The following EFL1 variants were observed in gnomAD, a reference collection of about 807,000 sequenced individuals.
The protein encoded by EFL1 is elongation factor-like GTPase 1.
Under a neutral mutation model 126.7 loss-of-function variants are expected in EFL1, and 76 were observed. The observed-to-expected ratio is 0.60, with a 90% CI of 0.50 to 0.73. EFL1 has a LOEUF of 0.73. EFL1 is among the 30% of genes least tolerant of loss of function. The pLI is 0.00. For synonymous variants in EFL1, 410 were observed against 448.4 expected (o/e 0.91, Z 1.08); for missense variants, 1,128 against 1,343.2 (o/e 0.84, Z 2.50).
chr15:82,177,402 C>T (rs1046995289), intron 15 of EFL1, among the ~76,000 whole-genome samples: 14 of 152,122 alleles, frequency 9.2e-5, no homozygotes, highest in Non-Finnish European at 1.5e-4. Context: ...TCTTTTTTCT[C>T]CACATCCTCT....
intron 4 of EFL1, among the ~76,000 whole-genome samples, chr15:82,249,831 G>C (rs1272616566): frequency 6.6e-6 from 1 of 152,070 alleles, no homozygotes; most frequent in Non-Finnish European, 1.5e-5. Context: ...GATAGTGTAT[G>C]ACCTTGATGG....
intron 4 of EFL1, among the ~76,000 whole-genome samples, chr15:82,245,388 C>T (rs1432097884): frequency 1.3e-5 from 2 of 152,230 alleles, no homozygotes; most frequent in African/African-American, 2.4e-5. Flanking sequence ...GATCCTTCTG[C>T]CTCAGTCTCC....
intron 17 of EFL1, among the ~76,000 whole-genome samples, chr15:82,156,611 G>C (rs2073970363): frequency 6.9e-6 from 1 of 145,510 alleles, no homozygotes; most frequent in Non-Finnish European, 1.5e-5. Flanking sequence ...TCTATTATTA[G>C]TACCAGGTGT....
chr15:82,182,316 T>G (rs572653542), intron 15 of EFL1, among the ~76,000 whole-genome samples: 84 of 152,266 alleles, frequency 5.5e-4, no homozygotes, highest in African/African-American at 2.0e-3. Flanking sequence ...AGGCAGCTAT[T>G]TGTGTGGGAA....
chr15:82,195,732 C>G (rs542263882), intron 15 of EFL1, among the ~76,000 whole-genome samples: 1 of 152,272 alleles, frequency 6.6e-6, no homozygotes, highest in East Asian at 1.9e-4. Flanking sequence ...GAAGCAGCAC[C>G]TGGGAGGGGA....
intron 17 of EFL1, among the ~76,000 whole-genome samples, chr15:82,153,231 AAT>A (rs1224688227): frequency 6.6e-6 from 1 of 152,166 alleles, no homozygotes; most frequent in African/African-American, 2.4e-5. Flanking sequence ...TTTCCCACAT[AAT>A]ATCAAATTTG....
intron 11 of EFL1, among the ~76,000 whole-genome samples, chr15:82,226,357 C>T (rs191579512): frequency 5.8e-4 from 88 of 152,106 alleles, no homozygotes; most frequent in African/African-American, 2.1e-3. Context: ...TTAGTAGAGA[C>T]GGAGTTTCAC....
chr15:82,134,554 A>T (rs1347663278), intron 19 of EFL1, among the ~76,000 whole-genome samples: 1 of 152,216 alleles, frequency 6.6e-6, no homozygotes, highest in African/African-American at 2.4e-5. Context: ...TGGGTGCTCC[A>T]TTTCAATTTT....
intron 4 of EFL1, among the ~76,000 whole-genome samples, chr15:82,252,326 G>C (rs531806545): frequency 5.7e-4 from 87 of 152,310 alleles, no homozygotes; most frequent in Non-Finnish European, 6.9e-4. Context: ...AGCTGGTACT[G>C]ATCACGGCAG....
intron 15 of EFL1, among the ~76,000 whole-genome samples, chr15:82,195,395 A>G (rs1409776786): frequency 6.6e-6 from 1 of 152,214 alleles, no homozygotes; most frequent in Non-Finnish European, 1.5e-5. Context: ...GCAGATTAAT[A>G]TATCTACTAA....
chr15:82,156,461 T>C (rs891005210), intron 17 of EFL1, among the ~76,000 whole-genome samples: 6 of 152,144 alleles, frequency 3.9e-5, no homozygotes, highest in Non-Finnish European at 8.8e-5. Flanking sequence ...ATTTTTGTAT[T>C]TTTAGTAGAG....
intron 15 of EFL1, 87 bp from the exon 16 acceptor site, chr15:82,164,071 T>C (rs2074051927): frequency 1.3e-6 from 2 of 1,511,424 alleles, no homozygotes; most frequent in African/African-American, 1.4e-5. Context: ...ACCCAGTATA[T>C]GTATCACAGA....
At chr15:82,163,767 C>A in intron 16 of EFL1, 86 bp downstream of exon 16, 2 of 1,470,896 alleles carry the variant, frequency 1.4e-6, no homozygotes, top group South Asian at 1.4e-5. Flanking sequence ...ACTGCTGAAA[C>A]AAGTCATGAG....
intron 7 of EFL1, among the ~76,000 whole-genome samples, chr15:82,236,061 T>C (rs1454088467): frequency 6.6e-6 from 1 of 152,048 alleles, no homozygotes; most frequent in African/African-American, 2.4e-5. Context: ...ATTAAAAATA[T>C]CATTTATAAT....
rs753465797 is a variant in EFL1, at chr15:82,229,027, G to A, written c.932+7C>T. 5 of 1,605,956 alleles carry A rather than the reference G, an allele frequency of 3.1e-6. No homozygotes were observed. In the African/African-American group the frequency reaches 6.7e-5, roughly 22 times the overall value. On this transcript the variant is annotated splice_region_variant and intron_variant, in intron 9 of 19. Transcript: ENST00000268206. ...AGATGCCTAAAGGTAAACAATAAGA[G>A]TCTTACTTTTTCAAAACAGCATCAT...
intron 15 of EFL1, among the ~76,000 whole-genome samples, chr15:82,213,228 T>A (rs569291213): frequency 6.6e-6 from 1 of 152,234 alleles, no homozygotes; most frequent in South Asian, 2.1e-4. Flanking sequence ...ATAAGTAAAT[T>A]TGGTAAACAA....
At chr15:82,157,078 T>C (rs949226357) in intron 17 of EFL1, among the ~76,000 whole-genome samples, 4 of 152,200 alleles carry the variant, frequency 2.6e-5, no homozygotes, top group Non-Finnish European at 4.4e-5. Flanking sequence ...AACCAAATAA[T>C]CAGAACTGTG....
Position 82,130,456 on chromosome 15 carries a change from C to G in EFL1, c.3280G>C (p.Val1094Leu). ...ENQARKYMNA[V>L]RKRKGLYVEE... ...ACATAAAGCCCCTTCCGCTTTCGTA[C>G]TGCGTTCATGTACTTCCGGGCTTGG... The change falls in exon 20 of 20, where the codon GTA becomes CTA. Residue 1094 changes from valine (V) to leucine (L), a missense_variant. Around this residue, in one of 6 missense-constraint regions of EFL1, gnomAD observed 561 missense variants for 641.7 expected, o/e 0.87. Transcript: ENST00000268206. 6.2e-7 allele frequency: 1 copy of G among 1,614,212 alleles called. No homozygotes were observed. The highest frequency in any genetic ancestry group is 8.5e-7 in the Non-Finnish European group (1 of 1,180,040).
rs368190259 is a variant in EFL1 at position 82,220,125 on chromosome 15, T to C, written c.1397A>G (p.Gln466Arg). The C allele has an allele frequency of 9.9e-6, 16 of 1,613,626 alleles. No individual in the cohort carries two copies. The African/African-American group carries it at 1.7e-4, about 18-fold the overall frequency. The change falls in exon 13 of 20, where the codon CAA (glutamine) becomes CGA (arginine). Residue 466 changes from glutamine to arginine, a missense_variant. Physicochemically the swap from Gln to Arg is conservative, Grantham distance 43. Coordinates refer to ENST00000268206, the MANE Select transcript of EFL1 (RefSeq NM_024580.6). ...AQGQAPLEPTQDGSAIETCPK... is the reference protein window; with the variant it reads ...AQGQAPLEPTRDGSAIETCPK... ...ACATGTTTCAATGGCACTCCCATCT[T>C]GGGTGGGCTCCAAGGGTGCCTGTCC...
Sources: gnomAD v4.1 joint callset for allele counts (sites outside exome capture counted in the v4.1 genomes callset) on GRCh38, gnomAD v4.1.1 for gene constraint, gnomAD v4.1.1 regional missense constraint, MANE v1.5 for transcripts, NCBI Gene and HGNC (gene_info 2026-07-23, HGNC 2026-07-21) for gene names.